Variants in SHANK2 observed in about 807,000 individuals in gnomAD.
SHANK2 encodes the protein SH3 and multiple ankyrin repeat domains protein 2.
A neutral mutation model predicts 133.7 loss-of-function variants in SHANK2; 43 were observed. The ratio of observed to expected loss-of-function variants is 0.32; its 90% CI spans 0.25 to 0.41. The LOEUF is 0.41. SHANK2 is among the 10% of genes least tolerant of loss of function. The pLI is 1.00. For missense variants in SHANK2, 1,994 were observed against 2,235.8 expected, an observed-to-expected ratio of 0.89 and a Z score of 2.18; for synonymous variants, 1,017 against 952.8, an observed-to-expected ratio of 1.07 and a Z score of -1.24.
intron 12 of SHANK2, among the ~76,000 whole-genome samples, chr11:70,812,840 G>T (rs954820436): frequency 1.3e-5 from 2 of 152,050 alleles, no homozygotes; most frequent in Non-Finnish European, 2.9e-5. Flanking sequence ...AGCCAGGAGG[G>T]ATTCTAACCA....
At chr11:70,815,545 T>G (rs2135317413) in intron 12 of SHANK2, among the ~76,000 whole-genome samples, 1 of 152,270 alleles carries the variant, frequency 6.6e-6, no homozygotes, top group East Asian at 1.9e-4. Context: ...ACACCATCAC[T>G]GCAACACCAG....
At chr11:71,113,432 C>T (rs991604146) in intron 4 of SHANK2, 68 bp from the exon 5 acceptor site, 32 of 1,422,840 alleles carry the variant, frequency 2.2e-5, no homozygotes, top group South Asian at 8.6e-5. Flanking sequence ...AGAGGGAAAA[C>T]GGGCCTTTTC....
At chr11:70,630,524 T>C (rs2060970857) in intron 17 of SHANK2, among the ~76,000 whole-genome samples, 1 of 152,198 alleles carries the variant, frequency 6.6e-6, no homozygotes, top group African/African-American at 2.4e-5. Context: ...TGACCTTCTT[T>C]GGAAGTAAGG....
chr11:70,871,102 T>G (rs966419722), intron 11 of SHANK2, among the ~76,000 whole-genome samples: 1 of 152,202 alleles, frequency 6.6e-6, no homozygotes, highest in Non-Finnish European at 1.5e-5. Context: ...TATAAGAATA[T>G]CAGTCCTACT....
At chr11:70,806,879 C>A in intron 13 of SHANK2, 123 bp downstream of exon 13, 1 of 606,184 alleles carries the variant, frequency 1.6e-6, no homozygotes, top group Non-Finnish European at 3.0e-6. Context: ...CATTCCTGCC[C>A]TTCCAGGGGC....
At chr11:70,631,404 A>ACACACACC (rs1555002170) in intron 17 of SHANK2, among the ~76,000 whole-genome samples, 2,147 of 149,330 alleles carry the variant, frequency 0.014, 58 homozygotes, top group African/African-American at 0.049. Flanking sequence ...ACACACACAC[A>ACACACACC]CACACCCACA....
chr11:70,699,928 A>G (rs1202555489), intron 14 of SHANK2, among the ~76,000 whole-genome samples: 5 of 152,162 alleles, frequency 3.3e-5, no homozygotes, highest in African/African-American at 1.2e-4. Flanking sequence ...GTCCCTTCCA[A>G]GCTTAGGCTT....
intron 10 of SHANK2, among the ~76,000 whole-genome samples, chr11:70,929,488 G>T (rs1178853320): frequency 6.6e-6 from 1 of 152,204 alleles, no homozygotes; most frequent in Non-Finnish European, 1.5e-5. Flanking sequence ...CAGTAAGGAA[G>T]AATCCATTTC....
intron 14 of SHANK2, among the ~76,000 whole-genome samples, chr11:70,757,619 A>C (rs1946902145): frequency 6.6e-6 from 1 of 152,146 alleles, no homozygotes. Context: ...ATGTGGCTGC[A>C]TTTTTTCCTA....
At chr11:70,554,712 A>T (rs536489270) in intron 17 of SHANK2, among the ~76,000 whole-genome samples, 1 of 151,994 alleles carries the variant, frequency 6.6e-6, no homozygotes, top group African/African-American at 2.4e-5. Flanking sequence ...ACTATCTATA[A>T]CGCCCCGTTC....
intron 2 of SHANK2, among the ~76,000 whole-genome samples, chr11:71,220,786 G>C (rs893719257): frequency 1.3e-5 from 2 of 152,148 alleles, no homozygotes; most frequent in Non-Finnish European, 2.9e-5. Context: ...AATGGGGAGG[G>C]AGGGTTCAAT....
intron 17 of SHANK2, among the ~76,000 whole-genome samples, chr11:70,562,144 T>C (rs1257109887): frequency 6.6e-6 from 1 of 152,216 alleles, no homozygotes; most frequent in Non-Finnish European, 1.5e-5. Context: ...TACGATTCCG[T>C]TTTGGTTAGA....
intron 11 of SHANK2, chr11:70,862,802 T>C (rs1555068085): frequency 1.6e-4 from 45 of 279,650 alleles, no homozygotes; most frequent in Non-Finnish European, 2.1e-5. Flanking sequence ...TTGGATCCTT[T>C]GGGATTCCCC....
intron 2 of SHANK2, among the ~76,000 whole-genome samples, chr11:71,162,243 T>C (rs7933912): frequency 0.28 from 42,177 of 152,178 alleles, 6,605 homozygotes; most frequent in African/African-American, 0.41. Context: ...GAGCATGGTG[T>C]GGCATCTGGT....
intron 2 of SHANK2, among the ~76,000 whole-genome samples, chr11:71,166,364 G>C (rs1483827745): frequency 6.6e-6 from 1 of 152,108 alleles, no homozygotes; most frequent in Non-Finnish European, 1.5e-5. Context: ...TAACCGGACA[G>C]CTACTTCTTT....
chr11:71,192,858 C>A (rs545210783), intron 2 of SHANK2, among the ~76,000 whole-genome samples: 1 of 152,268 alleles, frequency 6.6e-6, no homozygotes, highest in South Asian at 2.1e-4. Flanking sequence ...ATCATGCCTG[C>A]TTAATTGCAT....
At chr11:71,230,221 C>T (rs948672029) in intron 1 of SHANK2, among the ~76,000 whole-genome samples, 2 of 151,716 alleles carry the variant, frequency 1.3e-5, no homozygotes, top group Non-Finnish European at 2.9e-5. Flanking sequence ...ACCTGGGAAG[C>T]AGAGGTTGCA....
intron 17 of SHANK2, among the ~76,000 whole-genome samples, chr11:70,606,470 C>A (rs2060578553): frequency 7.3e-6 from 1 of 136,056 alleles, no homozygotes; most frequent in African/African-American, 2.8e-5. Flanking sequence ...GATTGTACCA[C>A]TGAACTCCAG....
chr11:70,751,133 A>G (rs1357692438), intron 14 of SHANK2, among the ~76,000 whole-genome samples: 1 of 152,244 alleles, frequency 6.6e-6, no homozygotes. Context: ...AAATTATCCA[A>G]TCTGAACAAG....
Sources: allele counts gnomAD v4.1 joint callset (sites outside exome capture counted in the v4.1 genomes callset), GRCh38; gene constraint gnomAD v4.1.1; transcripts MANE v1.5; gene names NCBI Gene and HGNC (gene_info 2026-07-23, HGNC 2026-07-21).